FAM53C: variants seen among roughly 807,000 people sequenced by gnomAD.
The protein encoded by FAM53C is protein FAM53C.
In FAM53C, 10 loss-of-function variants were observed where a neutral mutation model predicts 34.7. The observed-to-expected ratio is 0.29, with a 90% CI of 0.18 to 0.49. The LOEUF is 0.49. Ranked by LOEUF, FAM53C falls within the 20% of genes least tolerant of loss-of-function variation. The pLI is 0.99. For missense variants in FAM53C, 442 were observed against 515.3 expected (o/e 0.86, Z 1.38); for synonymous variants, 203 against 203.6 (o/e 1.00, Z 0.03).
chr5:138,338,424 G>A (rs1760887240), intron 1 of FAM53C, 117 bp downstream of exon 1: 1 of 344,636 alleles, frequency 2.9e-6, no homozygotes, highest in Non-Finnish European at 5.6e-6. Flanking sequence ...GGCCTCGCTG[G>A]CCGCCTCTGC....
chr5:138,346,932 G>A lies in FAM53C; in HGVS notation c.1152G>A (p.Leu384=), dbSNP rs772820625. The change falls in exon 5 of 5, where the codon CTG becomes CTA. Residue 384 remains leucine (L), a synonymous_variant. Coordinates refer to ENST00000239906, the MANE Select transcript of FAM53C (RefSeq NM_016605.3). ...TGTGCCAGCGGGACTTTGGGGACCT[G>A]GACTTGAATTTGATTGAGGAAAACT... ...RTLCQRDFGD[L]DLNLIEEN is the part of the protein sequence containing the mutation. 2.5e-6 allele frequency: 4 copies of A among 1,614,134 alleles called. No individual in the cohort carries two copies. The highest frequency in any genetic ancestry group is 4.5e-5 in the East Asian group (2 of 44,876).
chr5:138,346,973 CT>C lies in FAM53C; in HGVS notation c.*16del, dbSNP rs751786537. On this transcript the variant is annotated 3_prime_UTR_variant, in exon 5 of 5. Transcript: ENST00000239906. Reference sequence around the variant, plus strand: ...GAGGAAAACTAAAACTGAGAGGCTACTTCCTGGGGCCACACAGACTGACTCT... The same window carrying C: ...GAGGAAAACTAAAACTGAGAGGCTACTCCTGGGGCCACACAGACTGACTCT... 4.8e-5 allele frequency: 78 copies of C among 1,613,728 alleles called. No individual in the cohort carries two copies. The highest frequency in any genetic ancestry group is 6.4e-5 in the Non-Finnish European group (76 of 1,179,982).
At chr5:138,339,844 GTTTATCTC>G (rs1760978156) in intron 1 of FAM53C, among the ~76,000 whole-genome samples, 1 of 152,180 alleles carries the variant, frequency 6.6e-6, no homozygotes, top group Admixed American at 6.5e-5. Flanking sequence ...GTACATCCAG[GTTTATCTC>G]TTTGCTCTTC....
chr5:138,340,989 ATTTT>A (rs1421218884), intron 1 of FAM53C, among the ~76,000 whole-genome samples, 191 bp from the exon 2 acceptor site: 2 of 152,184 alleles, frequency 1.3e-5, no homozygotes, highest in Admixed American at 1.3e-4. Context: ...TGCCAACTCT[ATTTT>A]ATTTCATATC....
rs757854053 is a variant in FAM53C, at chr5:138,341,300, G to A, written c.-36G>A. On this transcript the variant is annotated 5_prime_UTR_variant, in exon 2 of 5. Transcript: ENST00000239906. ...ACAACAGGGAAGACATCCATCATTTGCTCCAAAGTGTGCAAGTCAAATCCT... is the reference window on the plus strand; with the variant it reads ...ACAACAGGGAAGACATCCATCATTTACTCCAAAGTGTGCAAGTCAAATCCT... The A allele has an allele frequency of 6.4e-6, 10 of 1,567,476 alleles. No homozygotes were observed. The highest frequency in any genetic ancestry group is 3.3e-4 in the Middle Eastern group (2 of 5,980).
intron 2 of FAM53C, 144 bp from the exon 3 acceptor site, chr5:138,341,665 C>T: frequency 1.2e-6 from 1 of 810,182 alleles, no homozygotes. Flanking sequence ...GACTTACTAA[C>T]TTTGGGAAGA....
At chr5:138,338,263 C>T (rs748658598), upstream of FAM53C, 2 of 1,013,530 alleles carry the variant, frequency 2.0e-6, no homozygotes, top group Non-Finnish European at 2.7e-6. Flanking sequence ...GAACCGAGCG[C>T]TCAGAGCTGC....
intron 3 of FAM53C, among the ~76,000 whole-genome samples, 156 bp from the exon 4 acceptor site, chr5:138,344,669 T>C (rs1267518443): frequency 6.6e-6 from 1 of 152,232 alleles, no homozygotes; most frequent in South Asian, 2.1e-4. Context: ...GAATTTCTCT[T>C]ATCTGTGAAA....
At chr5:138,339,752 G>A (rs1184468604) in intron 1 of FAM53C, among the ~76,000 whole-genome samples, 1 of 152,202 alleles carries the variant, frequency 6.6e-6, no homozygotes, top group Admixed American at 6.5e-5. Context: ...TTTGTTCAGG[G>A]TGGTAATAAT....
chr5:138,341,547 C>A, intron 2 of FAM53C, 134 bp downstream of exon 2: 2 of 897,876 alleles, frequency 2.2e-6, no homozygotes, highest in Non-Finnish European at 3.6e-6. Context: ...ACTAATGGCT[C>A]AAAACCCAGC....
chr5:138,339,376 A>G (rs1297524278), intron 1 of FAM53C, among the ~76,000 whole-genome samples: 1 of 152,162 alleles, frequency 6.6e-6, no homozygotes, highest in African/African-American at 2.4e-5. Context: ...TCAGGCTGAG[A>G]GTATCAGTTG....
At chr5:138,337,561 A>T, upstream of FAM53C, 1 of 189,440 alleles carries the variant, frequency 5.3e-6, no homozygotes. Context: ...GGGGGCGGAG[A>T]GAGAAGAGAG....
Position 138,347,102 on chromosome 5 carries a change from C to T in FAM53C, c.*143C>T, listed in dbSNP as rs1336699025. The stretch of plus-strand genomic sequence containing the variant: ...CTCAGGGCAGCTGGAAATCTTCTCG[C>T]TCCAGCAAGCTCGACCATGCCAAGA... On this transcript the variant is annotated 3_prime_UTR_variant, in exon 5 of 5. Transcript: ENST00000239906. 8 of 1,148,332 alleles carry T rather than the reference C, an allele frequency of 7.0e-6. No homozygotes were observed. Among genetic ancestry groups the T allele is most frequent in the Non-Finnish European group, 9.9e-6 (8 of 810,814 alleles). The allele number at this position is 1,148,332 out of a possible 1,614,324, so 71.1% of individuals were successfully genotyped here.
chr5:138,342,176 T>G, intron 3 of FAM53C: 1 of 335,176 alleles, frequency 3.0e-6, no homozygotes. Flanking sequence ...TACTCTCCCG[T>G]TCCCTATCTA....
In FAM53C at chr5:138,343,257, C is replaced by T. The variant is rs939609028; in HGVS notation, c.136+1391C>T. On this transcript the variant is annotated intron_variant, in intron 3 of 4. Coordinates refer to ENST00000239906, the MANE Select transcript of FAM53C (RefSeq NM_016605.3). ...AGACGTGGTGACTCATGCCTGTAAT[C>T]CCAGCACTTTGGGAGGCCGAGGTGG... Among the ~76,000 whole-genome samples, 22 of 151,834 alleles carry T rather than the reference C, an allele frequency of 1.4e-4. 1 individual carries two copies. The highest frequency in any genetic ancestry group is 3.6e-4 in the African/African-American group (15 of 41,332).
At chr5:138,344,494 G>A (rs1246082053) in intron 3 of FAM53C, among the ~76,000 whole-genome samples, 2 of 152,242 alleles carry the variant, frequency 1.3e-5, no homozygotes, top group African/African-American at 4.8e-5. Flanking sequence ...TTACCTTTGA[G>A]AGGGAGTGGC....
At position 138,347,149 on chromosome 5, in the gene FAM53C, C is replaced by T. The variant is rs1327364856; in HGVS notation, c.*190C>T. 1.3e-5 allele frequency: 10 copies of T among 795,228 alleles called. No individual in the cohort carries two copies. The highest frequency in any genetic ancestry group is 3.6e-5 in the South Asian group (2 of 55,926). The allele number at this position is 795,228 out of a possible 1,614,324, so 49.3% of individuals were successfully genotyped here. Reference sequence around the variant, plus strand: ...AAGAGACTGGCCGGGACAAGATAAACGGAGCTGGTGGCGGGAGGGACAGCC... The same window carrying T: ...AAGAGACTGGCCGGGACAAGATAAATGGAGCTGGTGGCGGGAGGGACAGCC... On this transcript the variant is annotated 3_prime_UTR_variant, in exon 5 of 5. Coordinates refer to ENST00000239906, the MANE Select transcript of FAM53C (RefSeq NM_016605.3).
intron 4 of FAM53C, among the ~76,000 whole-genome samples, chr5:138,346,149 T>A (rs1390120251): frequency 6.6e-6 from 1 of 152,244 alleles, no homozygotes; most frequent in Non-Finnish European, 1.5e-5. Flanking sequence ...ACCACTAGGT[T>A]ACAAACCTCT....
At chr5:138,343,031 AAAAAAAC>A (rs1275565652) in intron 3 of FAM53C, 63 of 152,096 alleles carry the variant, frequency 4.1e-4, no homozygotes, top group African/African-American at 1.0e-3. Flanking sequence ...CTCAAAAAAA[AAAAAAAC>A]AAAAAACAAA....
Sources: allele counts gnomAD v4.1 joint callset (sites outside exome capture counted in the v4.1 genomes callset), GRCh38; gene constraint gnomAD v4.1.1; transcripts MANE v1.5; gene names NCBI Gene and HGNC (gene_info 2026-07-23, HGNC 2026-07-21).